MACROD2: variants seen among roughly 807,000 people sequenced by gnomAD.
The protein encoded by MACROD2 is ADP-ribose glycohydrolase MACROD2.
In MACROD2, 36 loss-of-function variants were observed where a neutral mutation model predicts 70.4. The ratio of observed to expected loss-of-function variants is 0.51; its 90% confidence interval spans 0.39 to 0.68. The LOEUF (loss-of-function observed/expected upper bound fraction) is 0.68. MACROD2 is among the 30% of genes least tolerant of loss of function. MACROD2 has a pLI of 0.00. For missense variants in MACROD2, 496 were observed against 538.4 expected, an observed-to-expected ratio of 0.92 and a Z score of 0.78; for synonymous variants, 172 against 178.8, an observed-to-expected ratio of 0.96 and a Z score of 0.30.
chr20:14,948,114 T>G (rs1417772859), intron 5 of MACROD2, among the ~76,000 whole-genome samples: 1 of 152,136 alleles, frequency 6.6e-6, no homozygotes, highest in Non-Finnish European at 1.5e-5. Flanking sequence ...AAGTATCACA[T>G]CCTCTGTGCC....
chr20:14,924,242 C>T (rs2074200459), intron 5 of MACROD2, among the ~76,000 whole-genome samples: 1 of 151,656 alleles, frequency 6.6e-6, no homozygotes, highest in Non-Finnish European at 1.5e-5. Context: ...GGGTGCATCA[C>T]TTGAGGCCAA....
Position 15,274,038 on chromosome 20 carries a change from G to T in MACROD2, c.540+43977G>T, listed in dbSNP as rs184166271. On this transcript the variant is annotated intron_variant, in intron 6 of 17. Transcript: ENST00000684519. Reference sequence around the variant, plus strand: ...TGGTCCTTATCCTTCTATTCAGGGTGAGGTGAGCTAAGATAGTTCTAAGAG... The same window carrying T: ...TGGTCCTTATCCTTCTATTCAGGGTTAGGTGAGCTAAGATAGTTCTAAGAG... Among the ~76,000 whole-genome samples, 152 of 152,334 alleles carry T rather than the reference G, an allele frequency of 1.0e-3. 3 individuals carry two copies. The highest frequency in any genetic ancestry group is 1.2e-4 in the Non-Finnish European group (8 of 68,038).
chr20:14,443,692 A>T (rs2084152335), intron 3 of MACROD2, among the ~76,000 whole-genome samples: 1 of 152,146 alleles, frequency 6.6e-6, no homozygotes, highest in Admixed American at 6.5e-5. Context: ...AAGAAATATT[A>T]GTGAGTGTAT....
intron 4 of MACROD2, among the ~76,000 whole-genome samples, chr20:14,665,670 A>G (rs749013178): frequency 1.3e-5 from 2 of 152,046 alleles, no homozygotes; most frequent in Non-Finnish European, 2.9e-5. Flanking sequence ...AATAATTTTC[A>G]TACTCCTAAA....
At chr20:14,759,900 A>C (rs2071991712) in intron 5 of MACROD2, among the ~76,000 whole-genome samples, 1 of 152,090 alleles carries the variant, frequency 6.6e-6, no homozygotes, top group East Asian at 1.9e-4. Context: ...AAGGAGGATT[A>C]AGTTCCCTTT....
At chr20:15,149,070 C>A (rs1456910596) in intron 5 of MACROD2, among the ~76,000 whole-genome samples, 1 of 151,896 alleles carries the variant, frequency 6.6e-6, no homozygotes, top group East Asian at 1.9e-4. Context: ...AAAGTGTCTA[C>A]CTAGACTAAG....
chr20:15,216,235 G>A (rs1209014210), intron 5 of MACROD2, among the ~76,000 whole-genome samples: 1 of 152,034 alleles, frequency 6.6e-6, no homozygotes, highest in Non-Finnish European at 1.5e-5. Flanking sequence ...AAATGCTTGA[G>A]GGGATGGATA....
chr20:15,304,295 A>G (rs1378042975), intron 6 of MACROD2, among the ~76,000 whole-genome samples: 1 of 152,174 alleles, frequency 6.6e-6, no homozygotes, highest in African/African-American at 2.4e-5. Flanking sequence ...AATGGTGGCC[A>G]TGGGACTGGT....
intron 5 of MACROD2, among the ~76,000 whole-genome samples, chr20:14,921,463 T>C (rs2074162731): frequency 1.3e-5 from 2 of 152,168 alleles, no homozygotes; most frequent in East Asian, 3.9e-4. Flanking sequence ...TTTGGATACA[T>C]TTGAGCCATT....
intron 6 of MACROD2, among the ~76,000 whole-genome samples, chr20:15,322,375 G>A (rs972834219): frequency 7.0e-6 from 1 of 143,494 alleles, no homozygotes. Context: ...AATGGACTGA[G>A]TAGTGATTCA....
intron 5 of MACROD2, among the ~76,000 whole-genome samples, chr20:14,780,761 A>G (rs2123785440): frequency 6.6e-6 from 1 of 152,224 alleles, no homozygotes; most frequent in African/African-American, 2.4e-5. Context: ...GAGAGGAATG[A>G]GAGTGGTATT....
At chr20:15,173,541 A>G (rs1447833822) in intron 5 of MACROD2, among the ~76,000 whole-genome samples, 2 of 152,190 alleles carry the variant, frequency 1.3e-5, no homozygotes, top group Non-Finnish European at 2.9e-5. Flanking sequence ...AAAAACCTTC[A>G]TCACATCACT....
At position 14,100,718 on chromosome 20, in the gene MACROD2, A is replaced by T. The variant is rs1601224008; in HGVS notation, c.271+14990A>T. Among the ~76,000 whole-genome samples the T allele has an allele frequency of 4.0e-4, 3 of 7,466 alleles. No homozygotes were observed. In the South Asian group the frequency reaches 0.027, roughly 67 times the overall value. 4.9% of individuals were successfully genotyped at this position (7,466 alleles called of 152,430 possible). A position where few individuals can be genotyped will look rare whatever the true frequency, so the allele number is the denominator to read the frequency against. ...ATATATAAATATATAGTATATATAC[A>T]TTTATATATAATATATATAAATATA... On this transcript the variant is annotated intron_variant, in intron 3 of 17. Coordinates refer to ENST00000684519, the MANE Select transcript of MACROD2 (RefSeq NM_001351661.2).
intron 8 of MACROD2, among the ~76,000 whole-genome samples, chr20:15,547,688 C>G (rs1259947974): frequency 6.6e-6 from 1 of 152,210 alleles, no homozygotes; most frequent in Non-Finnish European, 1.5e-5. Flanking sequence ...TCGTTCTCCT[C>G]TGCCAAATTT....
At chr20:15,927,349 C>T (rs2065506240) in intron 10 of MACROD2, among the ~76,000 whole-genome samples, 1 of 152,080 alleles carries the variant, frequency 6.6e-6, no homozygotes, top group South Asian at 2.1e-4. Flanking sequence ...CTGCAGAGGG[C>T]TTATGGCTTA....
At chr20:15,502,887 A>G (rs2047381882) in intron 8 of MACROD2, among the ~76,000 whole-genome samples, 1 of 152,198 alleles carries the variant, frequency 6.6e-6, no homozygotes. Flanking sequence ...GCTGACAGAT[A>G]CTTTACCATG....
Position 14,684,885 on chromosome 20 carries a change from C to T in MACROD2, c.344C>T (p.Ala115Val). ...IHRAAGPCLLAECRNLNGCDT... is the reference protein window; with the variant it reads ...IHRAAGPCLLVECRNLNGCDT... ...AGAGCAGCCGGCCCCTGTTTGCTAG[C>T]TGAATGTCGTAACCTGAATGGCTGT... Residue 115 changes from alanine to valine, a missense_variant, in exon 5 of 18, where the codon GCT (alanine) becomes GTT (valine). By Grantham distance (64) the Ala-to-Val change is moderately conservative (BLOSUM62 0). Transcript: ENST00000684519. 1.2e-6 allele frequency: 2 copies of T among 1,614,040 alleles called. No individual in the cohort carries two copies. Among genetic ancestry groups the T allele is most frequent in the South Asian group, 2.2e-5 (2 of 91,078 alleles).
chr20:15,540,759 C>T (rs115339507), intron 8 of MACROD2, among the ~76,000 whole-genome samples: 1,636 of 152,232 alleles, frequency 0.011, 37 homozygotes, highest in African/African-American at 0.037. Context: ...AGAATAGAGT[C>T]GGTTCCATCA....
At chr20:14,752,355 T>A (rs937126274) in intron 5 of MACROD2, among the ~76,000 whole-genome samples, 1 of 151,846 alleles carries the variant, frequency 6.6e-6, no homozygotes, top group Non-Finnish European at 1.5e-5. Context: ...CAGTGAATCC[T>A]ACTACATCCA....
Sources: gnomAD v4.1 joint callset for allele counts (sites outside exome capture counted in the v4.1 genomes callset) on GRCh38, gnomAD v4.1.1 for gene constraint, MANE v1.5 for transcripts, NCBI Gene and HGNC (gene_info 2026-07-23, HGNC 2026-07-21) for gene names.